The following RYR2 variants were observed in gnomAD, a reference collection of about 807,000 sequenced individuals.
RYR2 encodes the protein ryanodine receptor 2.
RYR2 carries 227 observed loss-of-function variants against 601.1 expected under a neutral mutation model. The ratio of observed to expected loss-of-function variants is 0.38; its 90% CI spans 0.34 to 0.42. The LOEUF (loss-of-function observed/expected upper bound fraction) is 0.42, where lower values mean the gene tolerates loss of function less well. RYR2 is among the 10% of genes least tolerant of loss of function. The probability of loss-of-function intolerance (pLI) is 1.00; values close to 1 mark genes in which losing one functional copy is unlikely to be tolerated. For synonymous variants in RYR2, 2,223 were observed against 2,175.1 expected (o/e 1.02, Z -0.61); for missense variants, 4,646 against 6,156.5 (o/e 0.75, Z 8.21).
At chr1:237,745,219 G>A (rs187134794) in intron 80 of RYR2, among the ~76,000 whole-genome samples, 28 of 152,204 alleles carry the variant, frequency 1.8e-4, no homozygotes, top group Non-Finnish European at 3.5e-4. Flanking sequence ...GCTCTGATCC[G>A]ATGGATATAA....
intron 35 of RYR2, among the ~76,000 whole-genome samples, chr1:237,602,503 G>C (rs906222447): frequency 5.9e-5 from 9 of 152,194 alleles, no homozygotes; most frequent in African/African-American, 1.7e-4. Flanking sequence ...GGATGGGTTG[G>C]ATCAGCTAAA....
At chr1:237,699,298 G>A (rs1021757436) in intron 64 of RYR2, among the ~76,000 whole-genome samples, 33 of 152,130 alleles carry the variant, frequency 2.2e-4, no homozygotes, top group African/African-American at 8.0e-4. Context: ...CAGGAAAAAT[G>A]GTAATCTGAC....
At chr1:237,084,542 G>A (rs575519514) in intron 1 of RYR2, among the ~76,000 whole-genome samples, 3 of 152,252 alleles carry the variant, frequency 2.0e-5, no homozygotes, top group African/African-American at 7.2e-5. Flanking sequence ...CACAAGCAGA[G>A]CAAGCGTTTT....
intron 1 of RYR2, among the ~76,000 whole-genome samples, chr1:237,124,669 G>A (rs1056820993): frequency 4.6e-5 from 7 of 152,006 alleles, no homozygotes; most frequent in South Asian, 2.1e-4. Context: ...ATCCTATCAC[G>A]CTGACCCACA....
intron 6 of RYR2, among the ~76,000 whole-genome samples, chr1:237,370,201 C>G (rs1700528323): frequency 1.3e-5 from 2 of 151,814 alleles, no homozygotes; most frequent in Non-Finnish European, 1.5e-5. Context: ...GTATTCTTAG[C>G]TATTACATAT....
At chr1:237,317,824 T>C (rs377305669) in intron 2 of RYR2, among the ~76,000 whole-genome samples, 2 of 152,186 alleles carry the variant, frequency 1.3e-5, no homozygotes, top group African/African-American at 4.8e-5. Flanking sequence ...TTTTTTGTGT[T>C]CTTTTACATT....
intron 10 of RYR2, among the ~76,000 whole-genome samples, chr1:237,411,407 G>A (rs1045224119): frequency 1.3e-5 from 2 of 152,134 alleles, no homozygotes; most frequent in African/African-American, 4.8e-5. Context: ...GTTGTCCCGA[G>A]CGATTTTATA....
intron 1 of RYR2, among the ~76,000 whole-genome samples, chr1:237,202,060 C>A (rs1249100180): frequency 6.6e-6 from 1 of 152,110 alleles, no homozygotes; most frequent in Non-Finnish European, 1.5e-5. Flanking sequence ...CTGGGGTAGA[C>A]AGAAACCTTA....
chr1:237,794,421 C>T (rs1181067639), intron 95 of RYR2, among the ~76,000 whole-genome samples: 1 of 152,176 alleles, frequency 6.6e-6, no homozygotes, highest in Non-Finnish European at 1.5e-5. Flanking sequence ...TATCAACTTT[C>T]AGTACCATCA....
intron 35 of RYR2, among the ~76,000 whole-genome samples, chr1:237,606,817 C>T (rs1015165966): frequency 2.0e-5 from 3 of 152,060 alleles, no homozygotes; most frequent in East Asian, 1.9e-4. Context: ...CCAACAGACA[C>T]GAAAAAATGC....
chr1:237,527,080 T>A (rs539373357), intron 24 of RYR2, among the ~76,000 whole-genome samples: 1 of 152,326 alleles, frequency 6.6e-6, no homozygotes, highest in South Asian at 2.1e-4. Flanking sequence ...AGTGTTTATT[T>A]TTGTTAACTT....
At chr1:237,809,589 A>C (rs1377715544) in intron 100 of RYR2, among the ~76,000 whole-genome samples, 1 of 152,150 alleles carries the variant, frequency 6.6e-6, no homozygotes, top group African/African-American at 2.4e-5. Flanking sequence ...AGAGGTAATC[A>C]TACATGAGAT....
intron 7 of RYR2, among the ~76,000 whole-genome samples, chr1:237,375,507 G>C (rs1253185957): frequency 3.9e-5 from 6 of 152,142 alleles, no homozygotes; most frequent in African/African-American, 1.4e-4. Context: ...TTCCCTTCAA[G>C]AGTGAGATCA....
At position 237,523,180 on chromosome 1, in the gene RYR2, C is replaced by A. The variant is rs1667256962; in HGVS notation, c.2823-7247C>A. On this transcript the variant is annotated intron_variant, in intron 24 of 104. Coordinates refer to ENST00000366574, the MANE Select transcript of RYR2 (RefSeq NM_001035.3). ...GGATTGGGCAAAGAGTACTTAGATA[C>A]AATATCCAAAACATGACCTATTAAA... Among the ~76,000 whole-genome samples, 3 of 152,170 alleles carry A rather than the reference C, an allele frequency of 2.0e-5. No individual in the cohort carries two copies. In the South Asian group the frequency reaches 6.2e-4, roughly 31 times the overall value.
chr1:237,591,923 A>C, intron 32 of RYR2, 70 bp downstream of exon 32: 1 of 979,590 alleles, frequency 1.0e-6, no homozygotes, highest in South Asian at 1.5e-5. Flanking sequence ...CCAGTAATAC[A>C]TACCGATTCA....
At chr1:237,468,416 G>T (rs1660319544) in intron 16 of RYR2, among the ~76,000 whole-genome samples, 2 of 152,262 alleles carry the variant, frequency 1.3e-5, no homozygotes, top group South Asian at 4.1e-4. Flanking sequence ...TTTAAAATGG[G>T]TTGTTCAATC....
intron 8 of RYR2, among the ~76,000 whole-genome samples, chr1:237,382,383 A>AT (rs1701592679): frequency 1.3e-5 from 2 of 151,964 alleles, no homozygotes; most frequent in Non-Finnish European, 2.9e-5. Context: ...TTTTATTGTT[A>AT]TTTTTTATTA....
intron 1 of RYR2, among the ~76,000 whole-genome samples, chr1:237,044,181 A>G (rs1660271000): frequency 2.2e-5 from 1 of 45,268 alleles, no homozygotes; most frequent in African/African-American, 1.5e-4. Context: ...AATAGACTAT[A>G]AGGGTTTTTT....
intron 74 of RYR2, among the ~76,000 whole-genome samples, chr1:237,724,226 T>A (rs887676346): frequency 1.6e-4 from 24 of 147,492 alleles, no homozygotes; most frequent in African/African-American, 6.0e-4. Flanking sequence ...TATGTATGTG[T>A]GATAAATTTC....
Sources: allele counts gnomAD v4.1 joint callset (sites outside exome capture counted in the v4.1 genomes callset), GRCh38; gene constraint gnomAD v4.1.1; transcripts MANE v1.5; gene names NCBI Gene and HGNC (gene_info 2026-07-23, HGNC 2026-07-21).